The following WDPCP variants were observed in gnomAD, a reference collection of about 807,000 sequenced individuals.
WDPCP encodes the protein WD repeat-containing and planar cell polarity effector protein fritz homolog.
WDPCP carries 71 observed loss-of-function variants against 93.1 expected under a neutral mutation model. That is an observed-to-expected ratio of 0.76 (90% CI 0.63 to 0.93). The LOEUF (loss-of-function observed/expected upper bound fraction) is 0.93. Ranked by LOEUF, WDPCP falls within the 40% of genes least tolerant of loss-of-function variation. WDPCP has a pLI of 0.00. For synonymous variants in WDPCP, 315 were observed against 315.0 expected (o/e 1.00, Z 0.00); for missense variants, 844 against 887.4 (o/e 0.95, Z 0.62).
At chr2:63,428,245 A>G (rs1244260780) in intron 9 of WDPCP, among the ~76,000 whole-genome samples, 1 of 152,106 alleles carries the variant, frequency 6.6e-6, no homozygotes, top group Non-Finnish European at 1.5e-5. Context: ...CGAAGCCAGC[A>G]TCATCCTGAT....
chr2:63,719,576 A>G (rs1669386857), intron 2 of WDPCP, among the ~76,000 whole-genome samples: 1 of 152,214 alleles, frequency 6.6e-6, no homozygotes, highest in Non-Finnish European at 1.5e-5. Flanking sequence ...TTAGGCAGAT[A>G]CAGAATATTT....
chr2:63,426,237 G>A (rs185823563), intron 9 of WDPCP, among the ~76,000 whole-genome samples: 11 of 152,296 alleles, frequency 7.2e-5, no homozygotes, highest in Admixed American at 7.2e-4. Context: ...CTACTCAGGA[G>A]TCTGAGGCAG....
chr2:63,510,845 G>A (rs760649052), intron 1 of WDPCP, among the ~76,000 whole-genome samples: 20 of 152,010 alleles, frequency 1.3e-4, no homozygotes, highest in African/African-American at 4.6e-4. Context: ...GCGTGGTGGC[G>A]GGTGCCTGTA....
intron 2 of WDPCP, among the ~76,000 whole-genome samples, chr2:63,744,171 C>T (rs1195019207): frequency 6.6e-6 from 1 of 152,212 alleles, no homozygotes; most frequent in African/African-American, 2.4e-5. Context: ...ACAGTTTTAG[C>T]TGCATTGCAC....
chr2:63,542,939 A>C (rs138122183), intron 1 of WDPCP, among the ~76,000 whole-genome samples: 3 of 152,256 alleles, frequency 2.0e-5, no homozygotes, highest in African/African-American at 4.8e-5. Flanking sequence ...TTCTGAAATA[A>C]ATGTGTAATA....
chr2:63,610,893 G>A (rs924186991), intron 3 of WDPCP, among the ~76,000 whole-genome samples: 1 of 152,088 alleles, frequency 6.6e-6, no homozygotes, highest in African/African-American at 2.4e-5. Context: ...TCAGGAGTTC[G>A]AGACCAACCT....
At chr2:63,665,872 C>A (rs1156493766) in intron 2 of WDPCP, among the ~76,000 whole-genome samples, 1 of 152,214 alleles carries the variant, frequency 6.6e-6, no homozygotes, top group Non-Finnish European at 1.5e-5. Context: ...GAAGGCAGAT[C>A]CCTGCATAGC....
intron 14 of WDPCP, among the ~76,000 whole-genome samples, chr2:63,246,247 G>A (rs1680263778): frequency 6.6e-6 from 1 of 152,084 alleles, no homozygotes; most frequent in Admixed American, 6.6e-5. Context: ...CCATTATTAT[G>A]CTAACAAAAA....
chr2:63,780,534 C>G (rs1388595044), intron 2 of WDPCP, among the ~76,000 whole-genome samples: 2 of 152,172 alleles, frequency 1.3e-5, no homozygotes, highest in Non-Finnish European at 2.9e-5. Context: ...GGTATTTTTC[C>G]TGTTACATGT....
At chr2:63,453,204 G>A (rs1446200763) in intron 6 of WDPCP, among the ~76,000 whole-genome samples, 2 of 152,070 alleles carry the variant, frequency 1.3e-5, no homozygotes, top group African/African-American at 4.8e-5. Flanking sequence ...TATGAAAAAG[G>A]GCTAATATCC....
At chr2:63,157,390 T>C (rs1672335616) in intron 15 of WDPCP, among the ~76,000 whole-genome samples, 1 of 152,090 alleles carries the variant, frequency 6.6e-6, no homozygotes, top group South Asian at 2.1e-4. Context: ...CTTTGGGTAA[T>C]AGCCTCAGAA....
At chr2:63,691,436 A>T (rs773655861) in intron 2 of WDPCP, among the ~76,000 whole-genome samples, 3 of 152,148 alleles carry the variant, frequency 2.0e-5, no homozygotes, top group Non-Finnish European at 2.9e-5. Flanking sequence ...GGAGTTGGAG[A>T]CCAGCCTGGC....
intron 2 of WDPCP, among the ~76,000 whole-genome samples, chr2:63,811,786 G>T (rs1431540671): frequency 6.6e-6 from 1 of 152,010 alleles, no homozygotes; most frequent in Non-Finnish European, 1.5e-5. Flanking sequence ...GGAGTCCCCA[G>T]TGTCTACTGT....
At chr2:63,499,626 T>C (rs754682852) in intron 1 of WDPCP, among the ~76,000 whole-genome samples, 1 of 152,142 alleles carries the variant, frequency 6.6e-6, no homozygotes, top group Non-Finnish European at 1.5e-5. Flanking sequence ...GCAGCTGGAA[T>C]ATAACAAAAG....
At chr2:63,319,625 C>T (rs1472299280) in intron 12 of WDPCP, among the ~76,000 whole-genome samples, 2 of 152,018 alleles carry the variant, frequency 1.3e-5, no homozygotes, top group East Asian at 3.9e-4. Flanking sequence ...ACTACAGGGG[C>T]CCACTACCGC....
intron 1 of WDPCP, among the ~76,000 whole-genome samples, chr2:63,548,199 A>G (rs963017529): frequency 3.9e-5 from 6 of 152,130 alleles, no homozygotes; most frequent in African/African-American, 1.4e-4. Flanking sequence ...AAATATAAGG[A>G]AACACAAAGA....
chr2:63,335,297 T>C (rs1048289268), intron 12 of WDPCP, among the ~76,000 whole-genome samples: 2 of 152,230 alleles, frequency 1.3e-5, no homozygotes, highest in Non-Finnish European at 2.9e-5. Context: ...CCTGTGAATC[T>C]GTATTCTTTC....
chr2:63,482,403 T>C (rs1700318791), intron 6 of WDPCP, among the ~76,000 whole-genome samples: 1 of 151,970 alleles, frequency 6.6e-6, no homozygotes. Flanking sequence ...ATGTTATCTC[T>C]GGAACCACCA....
At chr2:63,693,109 G>A (rs1668912198) in intron 2 of WDPCP, among the ~76,000 whole-genome samples, 1 of 152,160 alleles carries the variant, frequency 6.6e-6, no homozygotes, top group South Asian at 2.1e-4. Flanking sequence ...AAACTCTGGT[G>A]GTTTAGCTCC....
Sources: gnomAD v4.1 joint callset for allele counts (sites outside exome capture counted in the v4.1 genomes callset) on GRCh38, gnomAD v4.1.1 for gene constraint, MANE v1.5 for transcripts, NCBI Gene and HGNC (gene_info 2026-07-23, HGNC 2026-07-21) for gene names.